Variants in FBLN1 observed in about 807,000 individuals in gnomAD.
The protein encoded by FBLN1 is fibulin-1.
A neutral mutation model predicts 89.7 loss-of-function variants in FBLN1; 34 were observed. The observed-to-expected ratio is 0.38, with a 90% CI of 0.29 to 0.50. FBLN1 has a LOEUF of 0.50. FBLN1 is among the 20% of genes least tolerant of loss of function. FBLN1 has a pLI of 0.92. For missense variants in FBLN1, 777 were observed against 988.1 expected, an observed-to-expected ratio of 0.79 and a Z score of 2.86; for synonymous variants, 393 against 391.3, an observed-to-expected ratio of 1.00 and a Z score of -0.05.
rs1418396452 is a variant in FBLN1 at position 45,600,513 on chromosome 22, C to G, written c.*67C>G. 4 of 1,590,424 alleles carry G rather than the reference C, an allele frequency of 2.5e-6. No homozygotes were observed. The highest frequency in any genetic ancestry group is 3.5e-6 in the Non-Finnish European group (4 of 1,158,800). ...AATCATTGCTGCCAGTGACTGTGGTCTGTACTTGTTTATACCCTCAGACTT... is the reference window on the plus strand; with the variant it reads ...AATCATTGCTGCCAGTGACTGTGGTGTGTACTTGTTTATACCCTCAGACTT... On this transcript the variant is annotated 3_prime_UTR_variant, in exon 17 of 17. Coordinates refer to ENST00000327858, the MANE Select transcript of FBLN1 (RefSeq NM_006486.3).
intron 16 of FBLN1, among the ~76,000 whole-genome samples, chr22:45,585,153 A>G (rs1485867248): frequency 1.3e-5 from 2 of 152,208 alleles, no homozygotes; most frequent in South Asian, 2.1e-4. Context: ...TGCTATGTAC[A>G]GTTGGATGTG....
intron 14 of FBLN1, among the ~76,000 whole-genome samples, chr22:45,554,977 A>G (rs2088760489): frequency 6.7e-6 from 1 of 149,262 alleles, no homozygotes; most frequent in African/African-American, 2.6e-5. Flanking sequence ...ACAGGAAGTT[A>G]GGACCCGTCC....
At chr22:45,510,773 A>G (rs1470312329) in intron 1 of FBLN1, among the ~76,000 whole-genome samples, 1 of 151,204 alleles carries the variant, frequency 6.6e-6, no homozygotes, top group African/African-American at 2.4e-5. Flanking sequence ...GTTTCTCTGC[A>G]TGCCTTGGAA....
Position 45,533,097 on chromosome 22 carries a change from G to T in FBLN1, c.579G>T (p.Thr193=). 3 of 1,614,196 alleles carry T rather than the reference G, an allele frequency of 1.9e-6. No homozygotes were observed. The highest frequency in any genetic ancestry group is 2.5e-6 in the Non-Finnish European group (3 of 1,180,030). The change falls in exon 6 of 17, where the codon ACG becomes ACT. Residue 193 remains threonine, a synonymous_variant. Coordinates refer to ENST00000327858, the MANE Select transcript of FBLN1 (RefSeq NM_006486.3). The stretch of plus-strand genomic sequence containing the variant: ...CCTGCAAGCAGCAGTGCCGAGACAC[G>T]GGTGACGAGGTGGTCTGCTCCTGCT... ...GGPCKQQCRD[T]GDEVVCSCFV... is the part of the protein sequence containing the mutation.
chr22:45,582,054 G>A (rs2089046491), intron 16 of FBLN1, among the ~76,000 whole-genome samples: 1 of 152,178 alleles, frequency 6.6e-6, no homozygotes, highest in South Asian at 2.1e-4. Context: ...GGTTGCGGTT[G>A]AGGTTGTACC....
chr22:45,600,852 A>T lies in FBLN1; in HGVS notation c.*406A>T, dbSNP rs1920926345. On this transcript the variant is annotated 3_prime_UTR_variant, in exon 17 of 17. Transcript: ENST00000327858. ...TGGCACTTTTTTTTTTTTTTTGGCCAATCAGATTTTCTATGTTCTAAGGAC... is the reference window on the plus strand; with the variant it reads ...TGGCACTTTTTTTTTTTTTTTGGCCTATCAGATTTTCTATGTTCTAAGGAC... 2 of 308,468 alleles carry T rather than the reference A, an allele frequency of 6.5e-6. No homozygotes were observed. The highest frequency in any genetic ancestry group is 2.2e-5 in the African/African-American group (1 of 44,836). The allele number at this position is 308,468 out of a possible 1,614,324, so 19.1% of individuals were successfully genotyped here.
intron 16 of FBLN1, among the ~76,000 whole-genome samples, chr22:45,595,683 A>G (rs2089177934): frequency 1.3e-5 from 2 of 152,308 alleles, no homozygotes; most frequent in Non-Finnish European, 2.9e-5. Context: ...AATCAGTCCA[A>G]GAGAAATACT....
At chr22:45,528,736 T>TA (rs1394007927) in intron 4 of FBLN1, among the ~76,000 whole-genome samples, 1 of 136,226 alleles carries the variant, frequency 7.3e-6, no homozygotes, top group Non-Finnish European at 1.6e-5. Flanking sequence ...AATTGACACT[T>TA]ACGATGAACC....
chr22:45,532,966 C>A lies in FBLN1; in HGVS notation c.545-97C>A. 1 of 1,143,666 alleles carries A rather than the reference C, an allele frequency of 8.7e-7. No homozygotes were observed. Among genetic ancestry groups the A allele is most frequent in the Non-Finnish European group, 1.3e-6 (1 of 772,936 alleles). The allele number at this position is 1,143,666 out of a possible 1,614,324, so 70.8% of individuals were successfully genotyped here. On this transcript the variant is annotated intron_variant, in intron 5 of 16. Coordinates refer to ENST00000327858, the MANE Select transcript of FBLN1 (RefSeq NM_006486.3). The surrounding 1 kb of genome is among the most constrained non-coding windows in gnomAD (Gnocchi z 4.2). ...CAGCCTGCCTTCCTGGGTTCGTCTG[C>A]CCAGAGGGCGTTTTCTATGACCCAG...
At chr22:45,566,953 A>G (rs541626741) in intron 14 of FBLN1, among the ~76,000 whole-genome samples, 15 of 152,380 alleles carry the variant, frequency 9.8e-5, no homozygotes, top group Admixed American at 3.3e-4. Flanking sequence ...CGCTGTTCCA[A>G]GCATGTAATT....
Position 45,600,811 on chromosome 22 carries a change from A to G in FBLN1, c.*365A>G, listed in dbSNP as rs1420388402. On this transcript the variant is annotated 3_prime_UTR_variant, in exon 17 of 17. Coordinates refer to ENST00000327858, the MANE Select transcript of FBLN1 (RefSeq NM_006486.3). ...GAAGACCAGTTCTTGCCCTGATTGT[A>G]TGAAATTTGACATTTTGGCACTTTT... 3.2e-6 allele frequency: 1 copy of G among 311,956 alleles called. No individual in the cohort carries two copies. Among genetic ancestry groups the G allele is most frequent in the Non-Finnish European group, 6.1e-6 (1 of 164,054 alleles). 19.3% of individuals were successfully genotyped at this position (311,956 alleles called of 1,614,324 possible).
At chr22:45,552,208 C>G (rs2088712220) in intron 14 of FBLN1, among the ~76,000 whole-genome samples, 2 of 152,166 alleles carry the variant, frequency 1.3e-5, no homozygotes, top group African/African-American at 2.4e-5. Context: ...GGGGACCCCA[C>G]CTGGCTGGGC....
chr22:45,594,525 G>T (rs1384790507), intron 16 of FBLN1, among the ~76,000 whole-genome samples: 1 of 152,050 alleles, frequency 6.6e-6, no homozygotes, highest in African/African-American at 2.4e-5. Flanking sequence ...GCTCCTCTGT[G>T]CAGAGTAGCC....
rs1384777544 is a variant in FBLN1 at position 45,579,802 on chromosome 22, A to G, written c.1972+2694A>G. ...TGAGATCTCCTCCTTGGGCTTCCAT[A>G]TCCCTACTTCCTTCTCCCTCCTCTT... On this transcript the variant is annotated intron_variant, in intron 16 of 16. Transcript: ENST00000327858. The surrounding 1 kb of genome is among the most constrained non-coding windows in gnomAD (Gnocchi z 5.5). Among the ~76,000 whole-genome samples the G allele has an allele frequency of 1.3e-5, 2 of 151,890 alleles. No homozygotes were observed. Among genetic ancestry groups the G allele is most frequent in the African/African-American group, 4.8e-5 (2 of 41,358 alleles).
Position 45,532,822 on chromosome 22 carries a change from G to A in FBLN1, c.545-241G>A. 1 of 589,982 alleles carries A rather than the reference G, an allele frequency of 1.7e-6. No homozygotes were observed. The highest frequency in any genetic ancestry group is 3.0e-6 in the Non-Finnish European group (1 of 329,498). 36.5% of individuals were successfully genotyped at this position (589,982 alleles called of 1,614,324 possible). ...CACCCCAGCCTACAAAGGGCACCCT[G>A]CACACCACCTGATTTTCCAGACGGG... On this transcript the variant is annotated intron_variant, in intron 5 of 16. Coordinates refer to ENST00000327858, the MANE Select transcript of FBLN1 (RefSeq NM_006486.3). This position sits in a 1 kb window ranked among gnomAD's most constrained non-coding sequence, Gnocchi z 4.2.
Position 45,562,649 on chromosome 22 carries a change from A to C in FBLN1, c.1698-11862A>C, listed in dbSNP as rs1182456544. Among the ~76,000 whole-genome samples the C allele has an allele frequency of 6.6e-6, 1 of 152,106 alleles. No individual in the cohort carries two copies. Among genetic ancestry groups the C allele is most frequent in the African/African-American group, 2.4e-5 (1 of 41,430 alleles). On this transcript the variant is annotated intron_variant, in intron 14 of 16. Transcript: ENST00000327858. This position sits in a 1 kb window ranked among gnomAD's most constrained non-coding sequence, Gnocchi z 7.8. ...GGCTCTGCCAGTGAGCAGGGGACGC[A>C]CCTCACTCCGGGCACAGCCTTTGGC...
chr22:45,559,656 T>C (rs533603145), intron 14 of FBLN1, among the ~76,000 whole-genome samples: 1 of 152,270 alleles, frequency 6.6e-6, no homozygotes, highest in Admixed American at 6.5e-5. Context: ...ACTCCATTAA[T>C]TACCTGACCT....
At chr22:45,529,155 C>T (rs374972198) in intron 4 of FBLN1, among the ~76,000 whole-genome samples, 9 of 152,212 alleles carry the variant, frequency 5.9e-5, no homozygotes, top group Non-Finnish European at 8.8e-5. Context: ...ACAGCCGACA[C>T]GTGGAGGAGG....
At chr22:45,564,930 A>G (rs755084549) in intron 14 of FBLN1, 50 of 1,613,996 alleles carry the variant, frequency 3.1e-5, no homozygotes, top group South Asian at 1.6e-4. Context: ...GGGATCAAGT[A>G]AAGAGGACTG....
Sources: gnomAD v4.1 joint callset for allele counts (sites outside exome capture counted in the v4.1 genomes callset) on GRCh38, gnomAD v4.1.1 for gene constraint, Gnocchi (gnomAD v3.1) non-coding constraint, MANE v1.5 for transcripts, NCBI Gene and HGNC (gene_info 2026-07-23, HGNC 2026-07-21) for gene names.